TFDP1: variants seen among roughly 807,000 people sequenced by gnomAD.
TFDP1 encodes transcription factor Dp-1.
A neutral mutation model predicts 48.0 loss-of-function variants in TFDP1; 6 were observed. The observed-to-expected ratio is 0.13, with a 90% CI of 0.07 to 0.25. The LOEUF is 0.25. Among genes scored for constraint, TFDP1 ranks in the 10% least tolerant of loss-of-function variants. The pLI is 1.00. For synonymous variants in TFDP1, 201 were observed against 211.6 expected (o/e 0.95, Z 0.44); for missense variants, 335 against 543.0 (o/e 0.62, Z 3.81).
intron 4 of TFDP1, among the ~76,000 whole-genome samples, chr13:113,630,216 T>C (rs1243019733): frequency 6.6e-6 from 1 of 152,164 alleles, no homozygotes; most frequent in African/African-American, 2.4e-5. Context: ...ACAGGACATT[T>C]ATCCACGCCC....
intron 2 of TFDP1, among the ~76,000 whole-genome samples, chr13:113,589,450 G>C (rs1293637313): frequency 6.6e-6 from 1 of 152,144 alleles, no homozygotes; most frequent in Non-Finnish European, 1.5e-5. Flanking sequence ...CTGTTTCCAT[G>C]CCTGGCCCAC....
chr13:113,637,791 A>G, intron 10 of TFDP1, 27 bp from the exon 11 acceptor site: 11 of 1,614,212 alleles, frequency 6.8e-6, no homozygotes, highest in Non-Finnish European at 9.3e-6. Flanking sequence ...TTTCATGACC[A>G]TTCGCTTATT....
chr13:113,608,420 C>G (rs917044053), intron 2 of TFDP1, among the ~76,000 whole-genome samples: 1 of 152,200 alleles, frequency 6.6e-6, no homozygotes, highest in African/African-American at 2.4e-5. Context: ...TGGGCAGAGC[C>G]CTGGCTGTGC....
At chr13:113,631,871 C>T (rs1014728248) in intron 5 of TFDP1, 127 bp downstream of exon 5, 14 of 1,295,128 alleles carry the variant, frequency 1.1e-5, no homozygotes, top group East Asian at 1.0e-4. Context: ...CGCCAGCCTC[C>T]GAATCACACT....
intron 3 of TFDP1, among the ~76,000 whole-genome samples, chr13:113,612,336 G>A (rs1214595854): frequency 6.6e-6 from 1 of 152,160 alleles, no homozygotes; most frequent in African/African-American, 2.4e-5. Context: ...TGCTGTCCCC[G>A]GGCCCTGTCA....
rs890080138 is a variant in TFDP1 at position 113,627,173 on chromosome 13, G to C, written c.186+3887G>C. Among the ~76,000 whole-genome samples the C allele has an allele frequency of 4.6e-5, 7 of 152,220 alleles. No individual in the cohort carries two copies. Among genetic ancestry groups the C allele is most frequent in the Non-Finnish European group, 7.3e-5 (5 of 68,046 alleles). On this transcript the variant is annotated intron_variant, in intron 4 of 11. Transcript: ENST00000375370. This position sits in a 1 kb window ranked among gnomAD's most constrained non-coding sequence, Gnocchi z 4.1. ...ACACGAGGGGTGGGGCTCAGTCCGGGCATGTGAGTGAAAGCGGTGGGGAGG... is the reference window on the plus strand; with the variant it reads ...ACACGAGGGGTGGGGCTCAGTCCGGCCATGTGAGTGAAAGCGGTGGGGAGG...
chr13:113,600,736 A>G (rs904858517), intron 2 of TFDP1, among the ~76,000 whole-genome samples: 1 of 144,202 alleles, frequency 6.9e-6, no homozygotes, highest in African/African-American at 2.6e-5. Flanking sequence ...CATGAGAGAG[A>G]ACCCTCACGT....
chr13:113,621,653 C>T (rs1319416499), intron 3 of TFDP1, among the ~76,000 whole-genome samples: 2 of 152,202 alleles, frequency 1.3e-5, no homozygotes, highest in South Asian at 2.1e-4. Flanking sequence ...CTGTTATGCC[C>T]GGACAGGGCC....
chr13:113,586,751 C>A (rs2048014813), intron 2 of TFDP1, among the ~76,000 whole-genome samples: 1 of 152,240 alleles, frequency 6.6e-6, no homozygotes, highest in Admixed American at 6.5e-5. Flanking sequence ...TCTGCCCTCC[C>A]TGACCTGCGA....
chr13:113,605,793 G>T (rs1594445660), intron 2 of TFDP1, among the ~76,000 whole-genome samples: 1 of 152,376 alleles, frequency 6.6e-6, no homozygotes, highest in East Asian at 1.9e-4. Flanking sequence ...GGGAGGAGAA[G>T]GTGGCACGGT....
intron 2 of TFDP1, among the ~76,000 whole-genome samples, chr13:113,594,707 T>A (rs2048244752): frequency 1.3e-5 from 2 of 152,266 alleles, no homozygotes; most frequent in African/African-American, 4.8e-5. Flanking sequence ...CTGAGTGACC[T>A]GCGTGTGCTG....
chr13:113,628,690 C>T (rs1753675386), intron 4 of TFDP1, among the ~76,000 whole-genome samples: 1 of 152,218 alleles, frequency 6.6e-6, no homozygotes, highest in Admixed American at 6.5e-5. Context: ...CTAGCGTGGC[C>T]ACTGCTTCCA....
chr13:113,591,114 G>A (rs2048134218), intron 2 of TFDP1, among the ~76,000 whole-genome samples: 1 of 151,850 alleles, frequency 6.6e-6, no homozygotes, highest in Admixed American at 6.6e-5. Flanking sequence ...GGCCAAGGCG[G>A]GTGGATCACC....
intron 4 of TFDP1, among the ~76,000 whole-genome samples, chr13:113,629,608 C>G (rs546955781): frequency 3.1e-4 from 47 of 152,300 alleles, no homozygotes; most frequent in Non-Finnish European, 5.7e-4. Context: ...ATGCTTCTGC[C>G]CGACTGGGCT....
In TFDP1 at chr13:113,623,724, G is replaced by A. The variant is rs373152036; in HGVS notation, c.186+438G>A. On this transcript the variant is annotated intron_variant, in intron 4 of 11. Coordinates refer to ENST00000375370, the MANE Select transcript of TFDP1 (RefSeq NM_007111.5). The surrounding 1 kb of genome is among the most constrained non-coding windows in gnomAD (Gnocchi z 5.2). ...GATAGGGCCCTGGCCGTGGCTGTGC[G>A]TTTGCCCCGGGGCAGTGACAGGGCA... Among the ~76,000 whole-genome samples, 10 of 152,318 alleles carry A rather than the reference G, an allele frequency of 6.6e-5. No individual in the cohort carries two copies. The highest frequency in any genetic ancestry group is 6.2e-4 in the South Asian group (3 of 4,832).
rs569109964 is a variant in TFDP1 at position 113,613,354 on chromosome 13, G to A, written c.79+2292G>A. 6.4e-4 allele frequency among the ~76,000 whole-genome samples: 97 copies of A among 152,316 alleles called. 1 individual carries two copies. The highest frequency in any genetic ancestry group is 2.0e-3 in the African/African-American group (85 of 41,566). On this transcript the variant is annotated intron_variant, in intron 3 of 11. Coordinates refer to ENST00000375370, the MANE Select transcript of TFDP1 (RefSeq NM_007111.5). ...AAATTTGCTTTTGAATCAGTGACAC[G>A]TTCATGTTTTTAAATTTTGAAGTAT...
At chr13:113,634,307 A>G (rs2049415505) in intron 7 of TFDP1, 2 of 633,612 alleles carry the variant, frequency 3.2e-6, no homozygotes, top group Non-Finnish European at 2.8e-6. Flanking sequence ...TAGATACCAT[A>G]GTTAAATCCA....
chr13:113,588,686 TGTA>T (rs1354414718), intron 2 of TFDP1, among the ~76,000 whole-genome samples: 12 of 151,660 alleles, frequency 7.9e-5, no homozygotes, highest in Admixed American at 2.0e-4. Context: ...TCAGTGATGG[TGTA>T]GTAGTTAGAG....
intron 3 of TFDP1, among the ~76,000 whole-genome samples, chr13:113,616,631 T>C (rs894071058): frequency 2.0e-5 from 3 of 152,230 alleles, no homozygotes; most frequent in Admixed American, 1.3e-4. Context: ...TTCAATCTCA[T>C]ATCTGTCGGC....
Sources: allele counts gnomAD v4.1 joint callset (sites outside exome capture counted in the v4.1 genomes callset), GRCh38; gene constraint gnomAD v4.1.1; non-coding constraint Gnocchi (gnomAD v3.1); transcripts MANE v1.5; gene names NCBI Gene and HGNC (gene_info 2026-07-23, HGNC 2026-07-21).